Variants in DLGAP2 observed in about 807,000 individuals in gnomAD.
DLGAP2 encodes the protein DLG associated protein 2.
In DLGAP2, 26 loss-of-function variants were observed where a neutral mutation model predicts 100.3. The ratio of observed to expected loss-of-function variants is 0.26; its 90% CI spans 0.19 to 0.36. The LOEUF (loss-of-function observed/expected upper bound fraction) is 0.36. DLGAP2 is among the 10% of genes least tolerant of loss of function. The probability of loss-of-function intolerance (pLI) is 1.00; values close to 1 mark genes in which losing one functional copy is unlikely to be tolerated. For synonymous variants in DLGAP2, 886 were observed against 630.1 expected (o/e 1.41, Z -6.08); for missense variants, 1,858 against 1,453.2 (o/e 1.28, Z -4.53).
At chr8:1,492,677 G>A (rs945662142) in intron 3 of DLGAP2, among the ~76,000 whole-genome samples, 1 of 152,230 alleles carries the variant, frequency 6.6e-6, no homozygotes, top group African/African-American at 2.4e-5. Context: ...CACAGCCGGA[G>A]GCAGAGGGGC....
chr8:1,277,182 AG>A (rs1476778982), intron 3 of DLGAP2, among the ~76,000 whole-genome samples: 7 of 152,186 alleles, frequency 4.6e-5, no homozygotes, highest in African/African-American at 1.7e-4. Flanking sequence ...TTTCATTCAA[AG>A]TGTGGCTATT....
intron 2 of DLGAP2, among the ~76,000 whole-genome samples, chr8:1,161,737 C>T (rs935823): frequency 0.41 from 62,197 of 152,004 alleles, 13,577 homozygotes; most frequent in Non-Finnish European, 0.49. Flanking sequence ...CCCGTGGAGC[C>T]GTCCTGTGTA....
At chr8:1,614,605 G>A (rs1373852210) in intron 6 of DLGAP2, among the ~76,000 whole-genome samples, 6 of 152,196 alleles carry the variant, frequency 3.9e-5, no homozygotes, top group East Asian at 1.9e-4. Flanking sequence ...CCTCCCAGGC[G>A]GAGCCCCCTG....
In DLGAP2 at chr8:1,415,315, T is replaced by C. The variant is rs182770496; in HGVS notation, c.107-86051T>C. 1.1e-4 allele frequency among the ~76,000 whole-genome samples: 16 copies of C among 152,344 alleles called. No individual in the cohort carries two copies. In the East Asian group the frequency reaches 2.7e-3, roughly 26 times the overall value. On this transcript the variant is annotated intron_variant, in intron 3 of 14. Transcript: ENST00000637795. ...TTTCTGATTTAAAGGCTAATTTTTT[T>C]TTCAACTTTTATTTTAGATCCGGGG...
At chr8:1,519,931 C>T (rs1800529174) in intron 4 of DLGAP2, among the ~76,000 whole-genome samples, 1 of 152,350 alleles carries the variant, frequency 6.6e-6, no homozygotes, top group East Asian at 1.9e-4. Flanking sequence ...TGGGTCTATC[C>T]TCCCACACCT....
chr8:802,104 C>CCG (rs1796174332), intron 1 of DLGAP2, among the ~76,000 whole-genome samples: 18 of 135,722 alleles, frequency 1.3e-4, no homozygotes, highest in African/African-American at 4.3e-4. Flanking sequence ...GGGGAATGGT[C>CCG]CACACACCTC....
chr8:1,483,615 C>G (rs1443630880), intron 3 of DLGAP2, among the ~76,000 whole-genome samples: 2 of 148,108 alleles, frequency 1.4e-5, no homozygotes, highest in African/African-American at 2.6e-5. Context: ...GAAGGCTGAA[C>G]TGCTGTGCAG....
intron 13 of DLGAP2, 146 bp from the exon 14 acceptor site, chr8:1,697,001 C>T: frequency 4.8e-6 from 4 of 838,794 alleles, no homozygotes; most frequent in Non-Finnish European, 6.8e-6. Flanking sequence ...GAAGCATGGC[C>T]TTCCCAAGTA....
chr8:1,141,933 G>A (rs1393186467), intron 2 of DLGAP2, among the ~76,000 whole-genome samples: 1 of 152,034 alleles, frequency 6.6e-6, no homozygotes, highest in Admixed American at 6.6e-5. Flanking sequence ...TTTTAAGCAT[G>A]CTATAAAGAT....
intron 4 of DLGAP2, among the ~76,000 whole-genome samples, chr8:1,523,532 G>T (rs1231950209): frequency 6.6e-6 from 1 of 152,190 alleles, no homozygotes; most frequent in African/African-American, 2.4e-5. Context: ...AGGACTCCCT[G>T]CCCCAGGCCG....
chr8:1,537,071 GTA>G (rs1801177363), intron 4 of DLGAP2, among the ~76,000 whole-genome samples: 1 of 151,418 alleles, frequency 6.6e-6, no homozygotes, highest in Non-Finnish European at 1.5e-5. Context: ...CTGGTATGTG[GTA>G]TGTGGTATGT....
chr8:1,472,969 T>C (rs1412227275), intron 3 of DLGAP2, among the ~76,000 whole-genome samples: 1 of 152,190 alleles, frequency 6.6e-6, no homozygotes, highest in Non-Finnish European at 1.5e-5. Context: ...ACTCTTGCTT[T>C]GTCCAGGCTG....
chr8:1,352,610 G>A (rs919404868), intron 3 of DLGAP2, among the ~76,000 whole-genome samples: 1 of 152,176 alleles, frequency 6.6e-6, no homozygotes, highest in Admixed American at 6.5e-5. Flanking sequence ...ATTCCTGGAA[G>A]TTGGCCCATT....
chr8:998,283 G>A (rs571811261), intron 2 of DLGAP2, among the ~76,000 whole-genome samples: 31 of 152,252 alleles, frequency 2.0e-4, no homozygotes, highest in Admixed American at 7.2e-4. Flanking sequence ...TCCTACAGAG[G>A]CTCATCTTTA....
intron 8 of DLGAP2, among the ~76,000 whole-genome samples, chr8:1,647,303 G>A (rs896600061): frequency 5.3e-5 from 8 of 151,690 alleles, no homozygotes; most frequent in Admixed American, 2.0e-4. Flanking sequence ...TGGCTAACAC[G>A]GTGAAACCCC....
chr8:1,290,790 C>T (rs1349673270), intron 3 of DLGAP2, among the ~76,000 whole-genome samples: 2 of 152,184 alleles, frequency 1.3e-5, no homozygotes, highest in African/African-American at 4.8e-5. Flanking sequence ...GGCCTGATAG[C>T]TTGGAGCTGT....
At chr8:1,422,729 C>T (rs1029459547) in intron 3 of DLGAP2, among the ~76,000 whole-genome samples, 6 of 151,026 alleles carry the variant, frequency 4.0e-5, no homozygotes, top group Non-Finnish European at 8.8e-5. Context: ...ACTCAACATG[C>T]TGAGACCAGC....
rs1025448842 is a variant in DLGAP2, at chr8:1,701,099, G to C, written c.2950-89G>C. On this transcript the variant is annotated intron_variant, in intron 14 of 14. Transcript: ENST00000637795. ...GCCCTGGGGGCTGCGGTCGGGAAGG[G>C]TCAGGCCAGGCCCCAGGGCCGCTGA... The C allele has an allele frequency of 4.6e-5, 58 of 1,260,438 alleles. 1 individual carries two copies. Among genetic ancestry groups the C allele is most frequent in the Non-Finnish European group, 6.1e-5 (56 of 917,776 alleles). 78.1% of individuals were successfully genotyped at this position (1,260,438 alleles called of 1,614,324 possible).
At chr8:1,336,648 A>T (rs55800838) in intron 3 of DLGAP2, among the ~76,000 whole-genome samples, 66,689 of 151,592 alleles carry the variant, frequency 0.44, 17,939 homozygotes, top group African/African-American at 0.77. Context: ...ATGCATCTGG[A>T]ACAGGCTGGG....
Sources: gnomAD v4.1 joint callset for allele counts (sites outside exome capture counted in the v4.1 genomes callset) on GRCh38, gnomAD v4.1.1 for gene constraint, MANE v1.5 for transcripts, NCBI Gene and HGNC (gene_info 2026-07-23, HGNC 2026-07-21) for gene names.